The following BDP1 variants were observed in gnomAD, a reference collection of about 807,000 sequenced individuals.
BDP1 encodes the protein BDP1 general transcription factor IIIB subunit.
A neutral mutation model predicts 266.6 loss-of-function variants in BDP1; 169 were observed. The observed-to-expected ratio is 0.63, with a 90% CI of 0.56 to 0.72. The LOEUF (loss-of-function observed/expected upper bound fraction) is 0.72. BDP1 is among the 30% of genes least tolerant of loss of function. The probability of loss-of-function intolerance (pLI) is 0.00; values close to 1 mark genes in which losing one functional copy is unlikely to be tolerated. For missense variants in BDP1, 3,015 were observed against 3,053.8 expected, an observed-to-expected ratio of 0.99 and a Z score of 0.30; for synonymous variants, 1,090 against 1,022.4, an observed-to-expected ratio of 1.07 and a Z score of -1.26.
chr5:71,501,233 TG>T (rs1764212925), intron 13 of BDP1, among the ~76,000 whole-genome samples: 1 of 152,200 alleles, frequency 6.6e-6, no homozygotes, highest in South Asian at 2.1e-4. Flanking sequence ...TGGAGTATAG[TG>T]GTGTGACCTC....
intron 16 of BDP1, among the ~76,000 whole-genome samples, chr5:71,506,758 T>TTATATATATATA (rs67179518): frequency 3.7e-5 from 5 of 135,854 alleles, no homozygotes; most frequent in African/African-American, 1.4e-4. Flanking sequence ...GTTTGGAGGT[T>TTATATATATATA]TATATATATA....
chr5:71,571,746 G>T (rs1193737846), downstream of BDP1, among the ~76,000 whole-genome samples: 5 of 152,102 alleles, frequency 3.3e-5, no homozygotes, highest in African/African-American at 1.2e-4. Context: ...AAATTCTCCT[G>T]CCTCAGCCTC....
At chr5:71,557,369 A>G in intron 36 of BDP1, among the ~76,000 whole-genome samples, 1 of 138,796 alleles carries the variant, frequency 7.2e-6, no homozygotes, top group African/African-American at 2.7e-5. Context: ...CCACTATGCC[A>G]AGCTAATTTT....
chr5:71,536,226 A>C (rs983333187), intron 26 of BDP1, among the ~76,000 whole-genome samples: 3 of 152,132 alleles, frequency 2.0e-5, no homozygotes, highest in Non-Finnish European at 4.4e-5. Flanking sequence ...ATTTATACCG[A>C]AAATCTAAAA....
chr5:71,567,704 T>C lies in BDP1; in HGVS notation c.*2819T>C, dbSNP rs1744113880. ...ACAAAAGTGACCATGTATACTATCT[T>C]GCTTGAAGAAGTCTTTGACAGAAAA... On this transcript the variant is annotated 3_prime_UTR_variant, in exon 39 of 39. Transcript: ENST00000358731. 1.3e-5 allele frequency: 2 copies of C among 152,626 alleles called. No homozygotes were observed. The highest frequency in any genetic ancestry group is 4.8e-5 in the African/African-American group (2 of 41,460). The allele number at this position is 152,626 out of a possible 1,614,324, so 9.5% of individuals were successfully genotyped here. A position where few individuals can be genotyped will look rare whatever the true frequency, so the allele number is the denominator to read the frequency against.
intron 6 of BDP1, 40 bp downstream of exon 6, chr5:71,467,527 T>G (rs1761979763): frequency 6.8e-7 from 1 of 1,478,258 alleles, no homozygotes; most frequent in African/African-American, 1.4e-5. Context: ...GTTCTCTATT[T>G]GAAATGAATT....
intron 25 of BDP1, among the ~76,000 whole-genome samples, chr5:71,525,373 C>T (rs1392155094): frequency 3.5e-5 from 5 of 142,974 alleles, no homozygotes; most frequent in South Asian, 2.3e-4. Flanking sequence ...CCGGATGGGG[C>T]GGCTGGCCGG....
rs781711579 is a variant in BDP1 at position 71,512,284 on chromosome 5, A to G, written c.4103A>G (p.Glu1368Gly). 7.6e-6 allele frequency: 12 copies of G among 1,588,614 alleles called. No individual in the cohort carries two copies. Among genetic ancestry groups the G allele is most frequent in the South Asian group, 1.2e-5 (1 of 85,126 alleles). The change falls in exon 18 of 39, where the codon GAA (glutamate) becomes GGA (glycine). Residue 1368 changes from glutamate to glycine, a missense_variant. Physicochemically the swap from Glu to Gly is moderately conservative, Grantham distance 98. Around this residue, in one of 3 missense-constraint regions of BDP1, gnomAD observed 2,383 missense variants for 2,404.9 expected, o/e 0.99. Coordinates refer to ENST00000358731, the MANE Select transcript of BDP1 (RefSeq NM_018429.3). ...EVLSMMHTPVEEKRNSEKEVS... is the reference protein window; with the variant it reads ...EVLSMMHTPVGEKRNSEKEVS... ...CTGTCGATGATGCATACACCTGTAG[A>G]AGAAAAAAGAAATTCTGAAAAAGAA...
At chr5:71,515,709 C>T (rs948602109) in intron 20 of BDP1, among the ~76,000 whole-genome samples, 5 of 151,922 alleles carry the variant, frequency 3.3e-5, no homozygotes, top group African/African-American at 1.2e-4. Context: ...ATTGTTGTCC[C>T]GTTGCCACCA....
At chr5:71,544,286 C>A in intron 30 of BDP1, 71 bp from the exon 31 acceptor site, 1 of 1,381,980 alleles carries the variant, frequency 7.2e-7, no homozygotes, top group South Asian at 1.4e-5. Flanking sequence ...TTTAAGAGGG[C>A]ATATGTTTCT....
At chr5:71,535,539 C>T (rs939321256) in intron 26 of BDP1, among the ~76,000 whole-genome samples, 1 of 152,256 alleles carries the variant, frequency 6.6e-6, no homozygotes, top group East Asian at 1.9e-4. Context: ...GTACTCTTTG[C>T]ACCACAAACT....
chr5:71,503,101 T>G (rs2150446445), intron 15 of BDP1, among the ~76,000 whole-genome samples: 1 of 151,770 alleles, frequency 6.6e-6, no homozygotes, highest in East Asian at 1.9e-4. Context: ...ATCTATAATG[T>G]TTTTGTATTT....
chr5:71,517,364 G>A lies in BDP1; in HGVS notation c.4903G>A (p.Ala1635Thr), dbSNP rs371831552. ...AACTGAAATTGAAGTTCCATCGTCC[G>A]CAGTTCCAGAACACAGAATGTATGA... ...IETEIEVPSS[A>T]VPEHRMYENQ... Residue 1635 changes from alanine to threonine, a missense_variant, in exon 22 of 39, where the codon GCA (alanine) becomes ACA (threonine). Physicochemically the swap from Ala to Thr is moderately conservative, Grantham distance 58. This residue lies in a region of BDP1 where 2,383 missense variants were observed against 2,404.9 expected (regional missense o/e 0.99). Transcript: ENST00000358731. 1.0e-5 allele frequency: 16 copies of A among 1,599,838 alleles called. No individual in the cohort carries two copies. The highest frequency in any genetic ancestry group is 5.3e-5 in the Admixed American group (3 of 56,094).
chr5:71,572,889 T>C, the BDP1 span, among the ~76,000 whole-genome samples: 2 of 152,240 alleles, frequency 1.3e-5, no homozygotes, highest in Middle Eastern at 3.4e-3. Flanking sequence ...AGGCTGAGTC[T>C]AAAAATCTGA....
intron 7 of BDP1, among the ~76,000 whole-genome samples, chr5:71,480,900 G>A (rs1038139200): frequency 1.3e-5 from 2 of 152,206 alleles, no homozygotes; most frequent in Admixed American, 1.3e-4. Flanking sequence ...TACTAGGCCA[G>A]GCGTAGTGGC....
rs369436813 is a variant in BDP1 at position 71,455,786 on chromosome 5, G to A, written c.-92G>A. ...GCTGGTGGTGTGGCTTTGTGGGGAG[G>A]GCGTAGTTCCTAATCCCCTTTCCGG... On this transcript the variant is annotated 5_prime_UTR_variant, in exon 1 of 39. Coordinates refer to ENST00000358731, the MANE Select transcript of BDP1 (RefSeq NM_018429.3). 3.7e-6 allele frequency: 4 copies of A among 1,074,012 alleles called. No homozygotes were observed. The highest frequency in any genetic ancestry group is 5.2e-5 in the East Asian group (2 of 38,382). The allele number at this position is 1,074,012 out of a possible 1,614,324, so 66.5% of individuals were successfully genotyped here.
Position 71,486,497 on chromosome 5 carries a change from T to C in BDP1, c.1083T>C (p.Pro361=). Residue 361 remains proline, a synonymous_variant, in exon 9 of 39, where the codon CCT becomes CCC. Transcript: ENST00000358731. ...TTCTTTAAACAGAGGAAAAGCGCCC[T>C]TTTGACTTCGATTTTTTTGCTCATT... ...RIDKAFQEKR[P]FDFDFFAHLL... The C allele has an allele frequency of 6.5e-7, 1 of 1,538,020 alleles. No individual in the cohort carries two copies. The highest frequency in any genetic ancestry group is 8.7e-7 in the Non-Finnish European group (1 of 1,155,900).
chr5:71,563,722 G>A (rs1350909265), intron 38 of BDP1, among the ~76,000 whole-genome samples: 2 of 152,168 alleles, frequency 1.3e-5, no homozygotes, highest in Non-Finnish European at 2.9e-5. Context: ...AGACCAGCCT[G>A]GCCAACATGG....
intron 26 of BDP1, among the ~76,000 whole-genome samples, chr5:71,536,996 C>CA (rs112185322): frequency 0.015 from 2,344 of 152,056 alleles, 65 homozygotes; most frequent in African/African-American, 0.053. Context: ...GGCATGGTGG[C>CA]ACATGTCTGT....
Sources: allele counts gnomAD v4.1 joint callset (sites outside exome capture counted in the v4.1 genomes callset), GRCh38; gene constraint gnomAD v4.1.1; regional missense constraint gnomAD v4.1.1; transcripts MANE v1.5; gene names NCBI Gene and HGNC (gene_info 2026-07-23, HGNC 2026-07-21).